Variants in PELI2 observed in about 807,000 individuals in gnomAD.
PELI2 encodes the protein pellino E3 ubiquitin protein ligase family member 2, also known as E3 ubiquitin-protein ligase pellino homolog 2.
PELI2 carries 23 observed loss-of-function variants against 42.3 expected under a neutral mutation model. The observed-to-expected ratio is 0.54, with a 90% CI of 0.39 to 0.77. The LOEUF is 0.77. Ranked by LOEUF, PELI2 falls within the 30% of genes least tolerant of loss-of-function variation. PELI2 has a pLI of 0.00. For synonymous variants in PELI2, 245 were observed against 212.2 expected (o/e 1.15, Z -1.34); for missense variants, 463 against 553.2 (o/e 0.84, Z 1.64).
intron 2 of PELI2, among the ~76,000 whole-genome samples, chr14:56,265,895 A>G (rs1267929861): frequency 6.6e-6 from 1 of 152,070 alleles, no homozygotes; most frequent in African/African-American, 2.4e-5. Flanking sequence ...ACAATGAGAT[A>G]TCACTACACA....
At chr14:56,173,926 G>T (rs929155266) in intron 1 of PELI2, among the ~76,000 whole-genome samples, 10 of 152,204 alleles carry the variant, frequency 6.6e-5, no homozygotes, top group African/African-American at 2.4e-4. Context: ...TTTTGAGACT[G>T]AGTCTTGCTC....
chr14:56,236,074 A>G (rs1427694024), intron 2 of PELI2, among the ~76,000 whole-genome samples: 1 of 152,196 alleles, frequency 6.6e-6, no homozygotes, highest in Non-Finnish European at 1.5e-5. Context: ...CTTTAAAAAT[A>G]TGTCACTTAA....
intron 2 of PELI2, among the ~76,000 whole-genome samples, chr14:56,238,882 A>G (rs985225687): frequency 5.3e-5 from 8 of 152,324 alleles, no homozygotes; most frequent in Admixed American, 2.6e-4. Flanking sequence ...TAGAAAAACA[A>G]TGCTTTTCTA....
chr14:56,122,630 G>C (rs965003993), intron 1 of PELI2, among the ~76,000 whole-genome samples: 2 of 150,958 alleles, frequency 1.3e-5, no homozygotes, highest in African/African-American at 4.9e-5. Context: ...TTCACAAAAT[G>C]TATTTTTATT....
intron 2 of PELI2, among the ~76,000 whole-genome samples, chr14:56,182,081 A>C (rs1885605199): frequency 6.6e-6 from 1 of 152,240 alleles, no homozygotes; most frequent in African/African-American, 2.4e-5. Context: ...ACGAGAAAGA[A>C]TCATGGGATA....
chr14:56,292,361 A>C (rs949601579), intron 5 of PELI2, among the ~76,000 whole-genome samples: 2 of 152,196 alleles, frequency 1.3e-5, no homozygotes, highest in East Asian at 3.9e-4. Flanking sequence ...TAACCTCTGG[A>C]GAACAGTTTT....
rs149711194 is a variant in PELI2, at chr14:56,127,561, G to A, written c.77+8824G>A. Among the ~76,000 whole-genome samples the A allele has an allele frequency of 2.7e-3, 418 of 152,330 alleles. 1 individual carries two copies. Among genetic ancestry groups the A allele is most frequent in the Non-Finnish European group, 3.0e-3 (207 of 68,028 alleles). On this transcript the variant is annotated intron_variant, in intron 1 of 5. Coordinates refer to ENST00000267460, the MANE Select transcript of PELI2 (RefSeq NM_021255.3). The stretch of plus-strand genomic sequence containing the variant: ...TGGTGAGAAGCAAGCCAAGGCAGAA[G>A]ATGGCTCTTGTGTGGTGCAGTTTAC...
At chr14:56,231,296 A>G (rs1009977117) in intron 2 of PELI2, among the ~76,000 whole-genome samples, 1 of 152,228 alleles carries the variant, frequency 6.6e-6, no homozygotes, top group African/African-American at 2.4e-5. Flanking sequence ...CCAATTCAAC[A>G]GAATATACAT....
chr14:56,128,706 T>A (rs1341695661), intron 1 of PELI2, among the ~76,000 whole-genome samples: 3 of 149,584 alleles, frequency 2.0e-5, no homozygotes, highest in South Asian at 4.2e-4. Context: ...GAAAGTCAGG[T>A]TGGGGTATTG....
At chr14:56,251,301 G>A (rs1339447334) in intron 2 of PELI2, among the ~76,000 whole-genome samples, 1 of 152,196 alleles carries the variant, frequency 6.6e-6, no homozygotes, top group Non-Finnish European at 1.5e-5. Context: ...TATCCTCCTA[G>A]GAAGATAGTA....
chr14:56,195,266 G>T (rs1216385141), intron 2 of PELI2, among the ~76,000 whole-genome samples: 1 of 152,216 alleles, frequency 6.6e-6, no homozygotes, highest in East Asian at 1.9e-4. Context: ...TTGTGGCTCA[G>T]TCTCTACCCT....
chr14:56,214,832 T>G (rs956039346), intron 2 of PELI2, among the ~76,000 whole-genome samples: 12 of 152,190 alleles, frequency 7.9e-5, no homozygotes, highest in African/African-American at 2.9e-4. Flanking sequence ...AGACAGCTCA[T>G]AGCCTCCGGG....
At chr14:56,127,497 C>G (rs757265653) in intron 1 of PELI2, among the ~76,000 whole-genome samples, 2 of 152,202 alleles carry the variant, frequency 1.3e-5, no homozygotes, top group African/African-American at 2.4e-5. Flanking sequence ...TCCTGAAATA[C>G]TTTATGTCTC....
chr14:56,214,341 A>G (rs573311862), intron 2 of PELI2, among the ~76,000 whole-genome samples: 97 of 152,290 alleles, frequency 6.4e-4, no homozygotes, highest in African/African-American at 2.0e-3. Context: ...ATAGGAAATG[A>G]TGCTACTTTT....
chr14:56,130,474 C>T (rs1697352140), intron 1 of PELI2, among the ~76,000 whole-genome samples: 1 of 151,512 alleles, frequency 6.6e-6, no homozygotes, highest in East Asian at 1.9e-4. Flanking sequence ...CCTTGCCATA[C>T]TGGGTATTCT....
chr14:56,268,405 C>T (rs1034134744), intron 2 of PELI2, among the ~76,000 whole-genome samples: 2 of 152,196 alleles, frequency 1.3e-5, no homozygotes, highest in African/African-American at 4.8e-5. Context: ...AAAGCATTAT[C>T]TGTTGACTAG....
chr14:56,194,094 T>G, intron 2 of PELI2, among the ~76,000 whole-genome samples: 1 of 152,248 alleles, frequency 6.6e-6, no homozygotes, highest in East Asian at 1.9e-4. Context: ...CTGAACTTTA[T>G]GGACTTGTAC....
At chr14:56,186,974 C>T (rs1306207559) in intron 2 of PELI2, among the ~76,000 whole-genome samples, 2 of 152,132 alleles carry the variant, frequency 1.3e-5, no homozygotes, top group African/African-American at 4.8e-5. Flanking sequence ...AAAGAATCTT[C>T]TGCTGCAAAT....
chr14:56,170,816 C>A (rs751781031), intron 1 of PELI2, among the ~76,000 whole-genome samples: 2 of 152,044 alleles, frequency 1.3e-5, no homozygotes, highest in Admixed American at 6.5e-5. Flanking sequence ...CTGTAAAGAC[C>A]AACTGTTTGC....
Sources: allele counts gnomAD v4.1 joint callset (sites outside exome capture counted in the v4.1 genomes callset), GRCh38; gene constraint gnomAD v4.1.1; transcripts MANE v1.5; gene names NCBI Gene and HGNC (gene_info 2026-07-23, HGNC 2026-07-21).